RALYL: variants seen among roughly 807,000 people sequenced by gnomAD.
The protein encoded by RALYL is RALY RNA binding protein like.
A neutral mutation model predicts 35.1 loss-of-function variants in RALYL; 29 were observed. The observed-to-expected ratio is 0.83, with a 90% CI of 0.61 to 1.13. RALYL has a LOEUF of 1.13. Among genes scored for constraint, RALYL ranks in the 50% most tolerant of loss-of-function variants. RALYL has a pLI of 0.00. For missense variants in RALYL, 359 were observed against 360.4 expected (o/e 1.00, Z 0.03); for synonymous variants, 120 against 127.6 (o/e 0.94, Z 0.40).
At chr8:84,409,976 C>T (rs1157998243) in intron 1 of RALYL, among the ~76,000 whole-genome samples, 1 of 151,782 alleles carries the variant, frequency 6.6e-6, no homozygotes, top group African/African-American at 2.4e-5. Context: ...AATGGCCCAG[C>T]CACAGAATCT....
intron 1 of RALYL, among the ~76,000 whole-genome samples, chr8:84,294,642 A>G (rs373004236): frequency 4.1e-4 from 63 of 152,246 alleles, no homozygotes; most frequent in African/African-American, 1.4e-3. Context: ...AATGAGAGCA[A>G]ATAGAGGCCA....
intron 1 of RALYL, among the ~76,000 whole-genome samples, chr8:84,428,766 T>C (rs2132629738): frequency 6.6e-6 from 1 of 152,168 alleles, no homozygotes; most frequent in East Asian, 1.9e-4. Context: ...GTGAAGTTAC[T>C]TTGTATAGTA....
intron 2 of RALYL, among the ~76,000 whole-genome samples, chr8:84,656,277 T>C (rs1281879393): frequency 6.6e-6 from 1 of 152,138 alleles, no homozygotes; most frequent in Non-Finnish European, 1.5e-5. Context: ...CCCTTTCTCA[T>C]ATTATTGAGG....
chr8:84,788,749 A>T (rs982323151), intron 3 of RALYL, among the ~76,000 whole-genome samples: 2 of 152,146 alleles, frequency 1.3e-5, no homozygotes, highest in African/African-American at 4.8e-5. Flanking sequence ...CAGTCAGCCC[A>T]GGCCAGGACA....
chr8:84,495,738 T>C (rs1382281738), intron 1 of RALYL, among the ~76,000 whole-genome samples: 1 of 152,114 alleles, frequency 6.6e-6, no homozygotes, highest in East Asian at 1.9e-4. Flanking sequence ...TCTTAAGCAG[T>C]TTAATATTTT....
intron 1 of RALYL, among the ~76,000 whole-genome samples, chr8:84,302,855 A>G (rs776068361): frequency 1.3e-5 from 2 of 152,130 alleles, no homozygotes; most frequent in Non-Finnish European, 2.9e-5. Flanking sequence ...GAGTCTTTCT[A>G]TTTCTGCTCT....
At chr8:84,662,320 C>T (rs924246012) in intron 2 of RALYL, among the ~76,000 whole-genome samples, 3 of 152,052 alleles carry the variant, frequency 2.0e-5, no homozygotes, top group Non-Finnish European at 4.4e-5. Context: ...CTAATATATG[C>T]TTTAGGTCCT....
chr8:84,427,724 C>T (rs561013212), intron 1 of RALYL, among the ~76,000 whole-genome samples: 9 of 152,242 alleles, frequency 5.9e-5, no homozygotes, highest in South Asian at 2.1e-4. Flanking sequence ...CTATCTGAGA[C>T]GCGTTCTTTA....
intron 1 of RALYL, among the ~76,000 whole-genome samples, chr8:84,235,767 CTTTT>C (rs556495836): frequency 1.6e-5 from 2 of 126,930 alleles, no homozygotes; most frequent in Non-Finnish European, 1.6e-5. Context: ...TTTTCTTTTT[CTTTT>C]TTTTTTTTTT....
chr8:84,539,862 A>ATATATATATATG (rs1245026627), intron 2 of RALYL, among the ~76,000 whole-genome samples: 23 of 58,620 alleles, frequency 3.9e-4, no homozygotes, highest in African/African-American at 1.4e-3. Context: ...ATGTATATAT[A>ATATATATATATG]TATATATATA....
chr8:84,699,754 G>A (rs1251721211), intron 2 of RALYL, among the ~76,000 whole-genome samples: 1 of 152,118 alleles, frequency 6.6e-6, no homozygotes, highest in Non-Finnish European at 1.5e-5. Context: ...CCATATGTCT[G>A]TGAGGTAGTT....
chr8:84,564,234 T>C (rs1162932519), intron 2 of RALYL, among the ~76,000 whole-genome samples: 2 of 151,742 alleles, frequency 1.3e-5, no homozygotes, highest in Non-Finnish European at 3.0e-5. Flanking sequence ...GGTGCTCTTA[T>C]GTACACTATG....
intron 1 of RALYL, among the ~76,000 whole-genome samples, chr8:84,346,434 T>G (rs909538885): frequency 6.6e-6 from 1 of 152,156 alleles, no homozygotes; most frequent in Non-Finnish European, 1.5e-5. Flanking sequence ...AACAAATGGT[T>G]ATGCTAGTTG....
At chr8:84,428,702 A>G (rs896202410) in intron 1 of RALYL, among the ~76,000 whole-genome samples, 2 of 152,160 alleles carry the variant, frequency 1.3e-5, no homozygotes, top group Non-Finnish European at 2.9e-5. Flanking sequence ...ATACACAGAG[A>G]CACATACAGT....
chr8:84,442,241 A>G (rs928839902), intron 1 of RALYL, among the ~76,000 whole-genome samples: 2 of 152,150 alleles, frequency 1.3e-5, no homozygotes, highest in African/African-American at 2.4e-5. Flanking sequence ...ATAAATATAC[A>G]TCACTGTAAT....
intron 1 of RALYL, among the ~76,000 whole-genome samples, chr8:84,493,143 C>T (rs551955946): frequency 8.6e-4 from 131 of 152,168 alleles, no homozygotes; most frequent in Admixed American, 1.6e-3. Context: ...GTTTAACTCC[C>T]ATTTATGAGT....
chr8:84,257,165 A>T (rs1563621313), intron 1 of RALYL, among the ~76,000 whole-genome samples: 4 of 151,770 alleles, frequency 2.6e-5, no homozygotes, highest in African/African-American at 9.7e-5. Context: ...AGAATTCGAG[A>T]TTTTTTTTAA....
intron 6 of RALYL, chr8:84,864,739 A>G: frequency 1.7e-6 from 1 of 579,938 alleles, no homozygotes; most frequent in Non-Finnish European, 3.3e-6. Flanking sequence ...GGAGCTTGGC[A>G]GGCCTGGTTT....
chr8:84,248,952 A>G lies in RALYL; in HGVS notation c.-24+64528A>G, dbSNP rs567446163. On this transcript the variant is annotated intron_variant, in intron 1 of 8. Transcript: ENST00000521268. ...CCAGCTTGATTATGTCAAGAAAAAA[A>G]GAAAGAAATATCACTTTGTAGTCAT... is the stretch of plus-strand genomic sequence containing the variant. 1.9e-3 allele frequency among the ~76,000 whole-genome samples: 282 copies of G among 152,224 alleles called. 2 individuals are homozygous for G. The highest frequency in any genetic ancestry group is 6.5e-3 in the African/African-American group (272 of 41,566).
Sources: allele counts gnomAD v4.1 joint callset (sites outside exome capture counted in the v4.1 genomes callset), GRCh38; gene constraint gnomAD v4.1.1; transcripts MANE v1.5; gene names NCBI Gene and HGNC (gene_info 2026-07-23, HGNC 2026-07-21).